ZFR: variants seen among roughly 807,000 people sequenced by gnomAD.
ZFR encodes zinc finger RNA binding protein.
In ZFR, 19 loss-of-function variants were observed where a neutral mutation model predicts 130.7. That is an observed-to-expected ratio of 0.15 (90% CI 0.10 to 0.21). The LOEUF is 0.21. ZFR is among the 10% of genes least tolerant of loss of function. The pLI is 1.00. For synonymous variants in ZFR, 466 were observed against 456.9 expected (o/e 1.02, Z -0.25); for missense variants, 872 against 1,321.5 (o/e 0.66, Z 5.27).
intron 4 of ZFR, among the ~76,000 whole-genome samples, chr5:32,415,515 TGCGCGCGCGC>T (rs70961629): frequency 8.2e-5 from 8 of 97,936 alleles, no homozygotes; most frequent in African/African-American, 3.1e-4. Flanking sequence ...TGTGTGTGTG[TGCGCGCGCGC>T]GCGCGCGCAC....
rs185009674 is a variant in ZFR at position 32,420,352 on chromosome 5, C to T, written c.138-249G>A. Reference sequence around the variant, plus strand: ...AATCTCAATACATTATATAGTCACACGTTTCAGATCATAGATTGTATCACA... The same window carrying T: ...AATCTCAATACATTATATAGTCACATGTTTCAGATCATAGATTGTATCACA... On this transcript the variant is annotated intron_variant, in intron 2 of 19. Transcript: ENST00000265069. Among the ~76,000 whole-genome samples, 369 of 151,554 alleles carry T rather than the reference C, an allele frequency of 2.4e-3. 1 individual carries two copies. The highest frequency in any genetic ancestry group is 7.9e-3 in the African/African-American group (328 of 41,300).
At chr5:32,442,864 G>C (rs1754503881) in intron 2 of ZFR, among the ~76,000 whole-genome samples, 1 of 152,102 alleles carries the variant, frequency 6.6e-6, no homozygotes, top group Non-Finnish European at 1.5e-5. Context: ...TTTTACAGAT[G>C]ATGAACATGA....
chr5:32,366,885 T>A (rs1366709157), intron 17 of ZFR, among the ~76,000 whole-genome samples: 2 of 151,208 alleles, frequency 1.3e-5, no homozygotes, highest in Non-Finnish European at 3.0e-5. Context: ...TTTTTAATTT[T>A]TTTTTTTTTT....
chr5:32,431,116 C>T lies in ZFR; in HGVS notation c.138-11013G>A, dbSNP rs1754204053. On this transcript the variant is annotated intron_variant, in intron 2 of 19. Transcript: ENST00000265069. ...AGGAAAACCTGTTTTTTTAGACCCA[C>T]GCTAATGGAAATTCTCAAAGATTTA... Among the ~76,000 whole-genome samples, 3 of 151,938 alleles carry T rather than the reference C, an allele frequency of 2.0e-5. No homozygotes were observed. In the South Asian group the frequency reaches 6.2e-4, roughly 32 times the overall value.
intron 17 of ZFR, among the ~76,000 whole-genome samples, chr5:32,368,945 T>A (rs1454947946): frequency 6.9e-6 from 1 of 144,006 alleles, no homozygotes; most frequent in Non-Finnish European, 1.5e-5. Context: ...CCAGTTGACA[T>A]GGATCACTAT....
At chr5:32,427,374 C>CAAAAAAAAAAAAAAAAAAAAA (rs540663022) in intron 2 of ZFR, among the ~76,000 whole-genome samples, 1 of 66,492 alleles carries the variant, frequency 1.5e-5, no homozygotes, top group African/African-American at 6.5e-5. Flanking sequence ...GACTCTGTCT[C>CAAAAAAAAAAAAAAAAAAAAA]AAAAAAAAAA....
intron 5 of ZFR, among the ~76,000 whole-genome samples, chr5:32,408,312 T>TA (rs1753621490): frequency 1.2e-5 from 1 of 81,324 alleles, no homozygotes; most frequent in East Asian, 4.0e-4. Flanking sequence ...GAACGTTTGA[T>TA]TAAAAAAAAA....
intron 17 of ZFR, among the ~76,000 whole-genome samples, chr5:32,366,930 G>C (rs1186658205): frequency 6.6e-6 from 1 of 150,794 alleles, no homozygotes; most frequent in Non-Finnish European, 1.5e-5. Context: ...TGCCAGGATG[G>C]AGTGCAGTAG....
intron 2 of ZFR, among the ~76,000 whole-genome samples, chr5:32,434,420 G>C (rs112235029): frequency 0.019 from 2,867 of 152,262 alleles, 90 homozygotes; most frequent in African/African-American, 0.066. Context: ...TCCTTTGCTG[G>C]TATGGGCAGA....
chr5:32,375,982 T>C (rs1490738355), intron 17 of ZFR, among the ~76,000 whole-genome samples: 2 of 151,688 alleles, frequency 1.3e-5, no homozygotes, highest in African/African-American at 4.8e-5. Context: ...GCTGGGATTA[T>C]AGGCGTCTGC....
chr5:32,393,499 A>G (rs1436671296), intron 11 of ZFR, among the ~76,000 whole-genome samples: 1 of 151,944 alleles, frequency 6.6e-6, no homozygotes, highest in Non-Finnish European at 1.5e-5. Context: ...ATGCGCCACC[A>G]CGCCGGCTAA....
chr5:32,383,894 G>T, intron 15 of ZFR: 1 of 432,404 alleles, frequency 2.3e-6, no homozygotes, highest in East Asian at 7.1e-5. Context: ...TCAGTGTCTT[G>T]AAGCAAAATC....
chr5:32,358,146 C>G (rs1317930009), intron 19 of ZFR, among the ~76,000 whole-genome samples: 2 of 152,178 alleles, frequency 1.3e-5, no homozygotes, highest in Non-Finnish European at 2.9e-5. Context: ...TCGCTTAAGT[C>G]AGGAGTTTGA....
intron 11 of ZFR, among the ~76,000 whole-genome samples, chr5:32,393,888 G>A (rs1753236670): frequency 4.6e-5 from 7 of 151,838 alleles, no homozygotes; most frequent in Admixed American, 2.6e-4. Flanking sequence ...CTTGGTGAAA[G>A]AAACAAAAAA....
intron 5 of ZFR, among the ~76,000 whole-genome samples, chr5:32,408,328 A>C (rs72735343): frequency 1.4e-3 from 186 of 132,284 alleles, no homozygotes; most frequent in Middle Eastern, 3.7e-3. Context: ...AAAAAAAAAA[A>C]AAAAAAAAAC....
At chr5:32,431,928 G>A (rs534276761) in intron 2 of ZFR, among the ~76,000 whole-genome samples, 30 of 151,964 alleles carry the variant, frequency 2.0e-4, no homozygotes, top group Admixed American at 3.9e-4. Flanking sequence ...AGACTCAGAT[G>A]ATCTTCCCAC....
chr5:32,393,312 G>A (rs537345884), intron 11 of ZFR, among the ~76,000 whole-genome samples: 1 of 151,444 alleles, frequency 6.6e-6, no homozygotes, highest in African/African-American at 2.4e-5. Flanking sequence ...ATTTTAAAAT[G>A]AATTAACAAA....
chr5:32,412,510 G>C (rs2111800900), intron 5 of ZFR, among the ~76,000 whole-genome samples: 1 of 152,264 alleles, frequency 6.6e-6, no homozygotes, highest in Non-Finnish European at 1.5e-5. Flanking sequence ...CAAAAACAAA[G>C]CACAAGCACA....
Position 32,372,130 on chromosome 5 carries a change from C to G in ZFR, c.2835+6985G>C, listed in dbSNP as rs144088152. 2.6e-4 allele frequency among the ~76,000 whole-genome samples: 39 copies of G among 152,314 alleles called. No individual in the cohort carries two copies. The East Asian group carries it at 6.9e-3, about 27-fold the overall frequency. On this transcript the variant is annotated intron_variant, in intron 17 of 19. Transcript: ENST00000265069. Reference sequence around the variant, plus strand: ...GGAGAGTGTAGCCTACATTTGCTAACAAGGCTGCAGGTAGCCAAATCCTAC... The same window carrying G: ...GGAGAGTGTAGCCTACATTTGCTAAGAAGGCTGCAGGTAGCCAAATCCTAC...
Sources: allele counts gnomAD v4.1 joint callset (sites outside exome capture counted in the v4.1 genomes callset), GRCh38; gene constraint gnomAD v4.1.1; transcripts MANE v1.5; gene names NCBI Gene and HGNC (gene_info 2026-07-23, HGNC 2026-07-21).